DOK6: variants seen among roughly 807,000 people sequenced by gnomAD.
DOK6 encodes the protein docking protein 6.
DOK6 carries 22 observed loss-of-function variants against 44.0 expected under a neutral mutation model. That is an observed-to-expected ratio of 0.50 (90% CI 0.36 to 0.71). DOK6 has a LOEUF of 0.71. Ranked by LOEUF, DOK6 falls within the 30% of genes least tolerant of loss-of-function variation. The pLI is 0.00. For missense variants in DOK6, 340 were observed against 416.4 expected (o/e 0.82, Z 1.60); for synonymous variants, 166 against 145.5 (o/e 1.14, Z -1.01).
rs1321830161 is a variant in DOK6, at chr18:69,842,923, T to A, written c.*1540T>A. 6.6e-6 allele frequency: 1 copy of A among 152,188 alleles called. No homozygotes were observed. Among genetic ancestry groups the A allele is most frequent in the African/African-American group, 2.4e-5 (1 of 41,450 alleles). 9.4% of individuals were successfully genotyped at this position (152,188 alleles called of 1,614,324 possible). A position where few individuals can be genotyped will look rare whatever the true frequency, so the allele number is the denominator to read the frequency against. ...TTTTTTTCTTAATAGGAAAATTTTTTAAACTATCCAAATTAGTCTGTTGAA... is the reference window on the plus strand; with the variant it reads ...TTTTTTTCTTAATAGGAAAATTTTTAAAACTATCCAAATTAGTCTGTTGAA... On this transcript the variant is annotated 3_prime_UTR_variant, in exon 8 of 8. Coordinates refer to ENST00000382713, the MANE Select transcript of DOK6 (RefSeq NM_152721.6).
intron 5 of DOK6, among the ~76,000 whole-genome samples, chr18:69,717,732 T>A (rs1986916699): frequency 1.3e-5 from 2 of 152,182 alleles, no homozygotes; most frequent in African/African-American, 4.8e-5. Flanking sequence ...CCTGATCTGA[T>A]CCTTGGCCCT....
At chr18:69,825,704 T>C (rs888317996) in intron 7 of DOK6, among the ~76,000 whole-genome samples, 3 of 152,140 alleles carry the variant, frequency 2.0e-5, no homozygotes, top group African/African-American at 7.2e-5. Flanking sequence ...TTCTATTAAA[T>C]GATTATTACT....
At chr18:69,597,771 A>G (rs1599213268) in intron 2 of DOK6, among the ~76,000 whole-genome samples, 1 of 149,578 alleles carries the variant, frequency 6.7e-6, no homozygotes, top group African/African-American at 2.6e-5. Context: ...CTCAGCTGGA[A>G]GCGTGCATAT....
At chr18:69,402,109 C>G (rs1278643040) in intron 1 of DOK6, among the ~76,000 whole-genome samples, 1 of 152,110 alleles carries the variant, frequency 6.6e-6, no homozygotes, top group Non-Finnish European at 1.5e-5. Flanking sequence ...GCAGCCTAGA[C>G]TTGGGACGCG....
chr18:69,611,933 T>C (rs1457288204), intron 3 of DOK6, among the ~76,000 whole-genome samples: 1 of 116,070 alleles, frequency 8.6e-6, no homozygotes, highest in Non-Finnish European at 1.9e-5. Flanking sequence ...CCACAAGTGA[T>C]TAATTATATA....
chr18:69,407,973 CATATT>C (rs1978292078), intron 1 of DOK6, among the ~76,000 whole-genome samples: 1 of 152,176 alleles, frequency 6.6e-6, no homozygotes, highest in Non-Finnish European at 1.5e-5. Context: ...ACTTATCACA[CATATT>C]ATATAAGTCT....
chr18:69,514,030 T>C (rs1981448081), intron 1 of DOK6, among the ~76,000 whole-genome samples: 2 of 152,124 alleles, frequency 1.3e-5, no homozygotes, highest in Admixed American at 6.5e-5. Context: ...TTTAAAATAT[T>C]ATGTAACAAT....
intron 2 of DOK6, among the ~76,000 whole-genome samples, chr18:69,594,605 AAAG>A (rs1243401585): frequency 6.7e-6 from 1 of 149,748 alleles, no homozygotes; most frequent in Non-Finnish European, 1.5e-5. Flanking sequence ...AAAAAAAAAG[AAAG>A]AAGAAATAAA....
intron 7 of DOK6, among the ~76,000 whole-genome samples, chr18:69,821,876 T>G (rs560298040): frequency 2.0e-4 from 31 of 152,182 alleles, no homozygotes; most frequent in Non-Finnish European, 1.9e-4. Flanking sequence ...GAGAAATAAT[T>G]TAAACAACAC....
chr18:69,754,683 C>T (rs942979990), intron 6 of DOK6, among the ~76,000 whole-genome samples: 1 of 152,150 alleles, frequency 6.6e-6, no homozygotes, highest in African/African-American at 2.4e-5. Context: ...TGGGCACTTC[C>T]TTGCTGTGTC....
At chr18:69,563,036 A>G (rs1446430640) in intron 1 of DOK6, among the ~76,000 whole-genome samples, 1 of 152,258 alleles carries the variant, frequency 6.6e-6, no homozygotes, top group African/African-American at 2.4e-5. Context: ...TGCAGCCAAA[A>G]GACACATGAA....
At chr18:69,826,197 AACACTCTGCTACTTGATATGTG>A (rs1233032041) in intron 7 of DOK6, among the ~76,000 whole-genome samples, 1 of 152,184 alleles carries the variant, frequency 6.6e-6, no homozygotes, top group Non-Finnish European at 1.5e-5. Context: ...TCATGAGCCT[AACACTCTGCTACTTGATATGTG>A]ATTATATTTG....
rs547241173 is a variant in DOK6 at position 69,693,370 on chromosome 18, TCTAA to T, written c.410-5028_410-5025del. Reference sequence around the variant, plus strand: ...TCCAGTAGACATTTTTCAAATTTCTTCTAACTAACATACAAAAATGCATTTTATG... The same window carrying T: ...TCCAGTAGACATTTTTCAAATTTCTTCTAACATACAAAAATGCATTTTATG... On this transcript the variant is annotated intron_variant, in intron 4 of 7. Coordinates refer to ENST00000382713, the MANE Select transcript of DOK6 (RefSeq NM_152721.6). Among the ~76,000 whole-genome samples the T allele has an allele frequency of 6.6e-4, 100 of 152,062 alleles. No homozygotes were observed. The East Asian group carries it at 6.6e-3, about 10-fold the overall frequency.
intron 3 of DOK6, among the ~76,000 whole-genome samples, chr18:69,666,846 G>A (rs1157559526): frequency 6.6e-6 from 1 of 152,158 alleles, no homozygotes; most frequent in Non-Finnish European, 1.5e-5. Context: ...GGATTCACAA[G>A]CTGTGTACTC....
At chr18:69,546,193 C>T (rs1430844627) in intron 1 of DOK6, among the ~76,000 whole-genome samples, 1 of 150,590 alleles carries the variant, frequency 6.6e-6, no homozygotes, top group East Asian at 1.9e-4. Context: ...AGAAGAATCG[C>T]TTGAACCTGG....
intron 2 of DOK6, among the ~76,000 whole-genome samples, chr18:69,566,134 T>C (rs1201692460): frequency 1.3e-5 from 2 of 151,740 alleles, no homozygotes; most frequent in Admixed American, 6.6e-5. Flanking sequence ...TTTATTTATT[T>C]ATTTATTTAT....
chr18:69,512,586 C>A (rs964023946), intron 1 of DOK6, among the ~76,000 whole-genome samples: 1 of 152,044 alleles, frequency 6.6e-6, no homozygotes, highest in African/African-American at 2.4e-5. Flanking sequence ...TCAGTTGATT[C>A]GTCCGCCTCG....
chr18:69,820,093 T>C (rs1981524067), intron 7 of DOK6, among the ~76,000 whole-genome samples: 1 of 152,202 alleles, frequency 6.6e-6, no homozygotes, highest in Non-Finnish European at 1.5e-5. Flanking sequence ...TATTCCATTT[T>C]GTGTATATAG....
At chr18:69,450,561 G>A (rs1419849390) in intron 1 of DOK6, among the ~76,000 whole-genome samples, 8 of 145,164 alleles carry the variant, frequency 5.5e-5, no homozygotes, top group East Asian at 2.1e-4. Context: ...TACAGAGAAC[G>A]TCACAAAGAT....
Sources: allele counts gnomAD v4.1 joint callset (sites outside exome capture counted in the v4.1 genomes callset), GRCh38; gene constraint gnomAD v4.1.1; transcripts MANE v1.5; gene names NCBI Gene and HGNC (gene_info 2026-07-23, HGNC 2026-07-21).